SMYD3: variants seen among roughly 807,000 people sequenced by gnomAD.
SMYD3 encodes SET and MYND domain containing 3, also known as histone-lysine N-methyltransferase SMYD3.
Under a neutral mutation model 57.7 loss-of-function variants are expected in SMYD3, and 36 were observed. That is an observed-to-expected ratio of 0.62 (90% confidence interval 0.48 to 0.82). The LOEUF (loss-of-function observed/expected upper bound fraction) is 0.82, where lower values mean the gene tolerates loss of function less well. Ranked by LOEUF, SMYD3 falls within the 40% of genes least tolerant of loss-of-function variation. The probability of loss-of-function intolerance (pLI) is 0.00; values close to 1 mark genes in which losing one functional copy is unlikely to be tolerated. For synonymous variants in SMYD3, 211 were observed against 195.0 expected (o/e 1.08, Z -0.68); for missense variants, 515 against 538.8 (o/e 0.96, Z 0.44).
chr1:246,184,432 T>G (rs769023865), intron 5 of SMYD3, among the ~76,000 whole-genome samples: 4 of 152,222 alleles, frequency 2.6e-5, no homozygotes, highest in Non-Finnish European at 4.4e-5. Flanking sequence ...TTGGCTGTCT[T>G]CAACAATGAC....
intron 10 of SMYD3, among the ~76,000 whole-genome samples, chr1:245,845,569 T>C (rs2050623412): frequency 6.6e-6 from 1 of 152,214 alleles, no homozygotes; most frequent in Admixed American, 6.5e-5. Context: ...AGCTGCTTTC[T>C]AGAGATCCAT....
intron 5 of SMYD3, among the ~76,000 whole-genome samples, chr1:246,044,245 T>C (rs1446825891): frequency 6.6e-6 from 1 of 152,190 alleles, no homozygotes; most frequent in African/African-American, 2.4e-5. Flanking sequence ...TAGTTCTCAG[T>C]GCAAATTATA....
chr1:246,442,889 T>C (rs2067491345), intron 1 of SMYD3, among the ~76,000 whole-genome samples: 1 of 152,146 alleles, frequency 6.6e-6, no homozygotes, highest in African/African-American at 2.4e-5. Flanking sequence ...GGACGGTTAG[T>C]TCTTCCACAC....
At chr1:246,455,113 G>GT (rs1177595257) in intron 1 of SMYD3, among the ~76,000 whole-genome samples, 2 of 151,990 alleles carry the variant, frequency 1.3e-5, no homozygotes, top group African/African-American at 4.8e-5. Context: ...TTTTTTGTTT[G>GT]TTTTTTTAAA....
intron 1 of SMYD3, among the ~76,000 whole-genome samples, chr1:246,500,473 C>T (rs1443398920): frequency 1.3e-5 from 2 of 152,096 alleles, no homozygotes; most frequent in Admixed American, 6.6e-5. Context: ...AAGACAAATC[C>T]AAGTACAGGA....
intron 10 of SMYD3, among the ~76,000 whole-genome samples, chr1:245,832,219 A>C (rs758388138): frequency 9.2e-5 from 14 of 152,264 alleles, no homozygotes; most frequent in South Asian, 6.2e-4. Flanking sequence ...CTGGGTTCAG[A>C]TCTTCTCAAT....
intron 10 of SMYD3, among the ~76,000 whole-genome samples, chr1:245,777,534 G>A (rs1236862758): frequency 6.6e-6 from 1 of 152,048 alleles, no homozygotes; most frequent in South Asian, 2.1e-4. Flanking sequence ...CCAACTCTCC[G>A]TATCACCTGG....
chr1:246,348,619 G>A (rs2065767130), intron 2 of SMYD3, among the ~76,000 whole-genome samples: 1 of 149,682 alleles, frequency 6.7e-6, no homozygotes, highest in Admixed American at 6.6e-5. Flanking sequence ...GGAGGAGGAG[G>A]TGCAAGGGTT....
Position 246,020,707 on chromosome 1 carries a change from T to A in SMYD3, c.532-90770A>T, listed in dbSNP as rs569700753. ...TGATAAGCTACAAAGTAGATACTCA[T>A]CATAATAATCAGTCGCATTTTATAG... On this transcript the variant is annotated intron_variant, in intron 5 of 11. Transcript: ENST00000490107. Among the ~76,000 whole-genome samples the A allele has an allele frequency of 2.0e-5, 3 of 152,324 alleles. No individual in the cohort carries two copies. In the South Asian group the frequency reaches 6.2e-4, roughly 32 times the overall value.
chr1:245,955,496 C>T (rs78052904), intron 5 of SMYD3, among the ~76,000 whole-genome samples: 1 of 152,102 alleles, frequency 6.6e-6, no homozygotes, highest in Non-Finnish European at 1.5e-5. Flanking sequence ...TGCGATCGCT[C>T]ATAATTTTAT....
rs1257568743 is a variant in SMYD3, at chr1:245,821,078, T to C, written c.1076+37418A>G. On this transcript the variant is annotated intron_variant, in intron 10 of 11. Transcript: ENST00000490107. Reference sequence around the variant, plus strand: ...GTTCATATGGAACCAAAAAAGAGCCTGCATCTCCAAGTCAATCCTAAGCCA... The same window carrying C: ...GTTCATATGGAACCAAAAAAGAGCCCGCATCTCCAAGTCAATCCTAAGCCA... Among the ~76,000 whole-genome samples, 14 of 150,234 alleles carry C rather than the reference T, an allele frequency of 9.3e-5. No homozygotes were observed. The South Asian group carries it at 1.3e-3, about 14-fold the overall frequency.
intron 1 of SMYD3, among the ~76,000 whole-genome samples, chr1:246,382,818 C>T (rs965814205): frequency 1.3e-5 from 2 of 152,142 alleles, no homozygotes; most frequent in African/African-American, 4.8e-5. Flanking sequence ...GGCCCATCCA[C>T]ATGGACCCAG....
At chr1:245,860,128 G>A (rs183502440) in intron 9 of SMYD3, among the ~76,000 whole-genome samples, 997 of 89,994 alleles carry the variant, frequency 0.011, 13 homozygotes, top group African/African-American at 0.032. Flanking sequence ...TGGTTCAGTG[G>A]ACTGAGTTTG....
intron 10 of SMYD3, among the ~76,000 whole-genome samples, chr1:245,829,866 A>G (rs2049733025): frequency 6.6e-6 from 1 of 152,206 alleles, no homozygotes; most frequent in Non-Finnish European, 1.5e-5. Context: ...AGTCAGCCAC[A>G]AAAAAGCAAA....
intron 10 of SMYD3, among the ~76,000 whole-genome samples, chr1:245,840,664 T>C (rs1022737815): frequency 4.9e-4 from 75 of 152,148 alleles, no homozygotes; most frequent in Non-Finnish European, 9.4e-4. Context: ...AATGGACCAC[T>C]TCTTCAGTTG....
chr1:246,173,354 C>T (rs1006208439), intron 5 of SMYD3, among the ~76,000 whole-genome samples: 4 of 152,232 alleles, frequency 2.6e-5, no homozygotes, highest in African/African-American at 9.6e-5. Context: ...TAGACTTTAT[C>T]AACGCTGTAC....
At chr1:246,473,547 T>C (rs1279616775) in intron 1 of SMYD3, among the ~76,000 whole-genome samples, 1 of 152,196 alleles carries the variant, frequency 6.6e-6, no homozygotes, top group Non-Finnish European at 1.5e-5. Flanking sequence ...ATTACTGATT[T>C]TCTAATAGGC....
intron 5 of SMYD3, among the ~76,000 whole-genome samples, chr1:246,112,943 A>G (rs956726079): frequency 6.6e-6 from 1 of 152,124 alleles, no homozygotes; most frequent in African/African-American, 2.4e-5. Flanking sequence ...GCACTTTGGG[A>G]GGCTGTGGCA....
chr1:246,124,348 AAAAG>A (rs34299909), intron 5 of SMYD3, among the ~76,000 whole-genome samples: 52 of 152,056 alleles, frequency 3.4e-4, no homozygotes, highest in Middle Eastern at 3.4e-3. Context: ...AATGAATAAA[AAAAG>A]AAAGAAAGAA....
Sources: gnomAD v4.1 joint callset for allele counts (sites outside exome capture counted in the v4.1 genomes callset) on GRCh38, gnomAD v4.1.1 for gene constraint, MANE v1.5 for transcripts, NCBI Gene and HGNC (gene_info 2026-07-23, HGNC 2026-07-21) for gene names.